IRF1: variants seen among roughly 807,000 people sequenced by gnomAD.
IRF1 encodes the protein interferon regulatory factor 1.
Under a neutral mutation model 43.7 loss-of-function variants are expected in IRF1, and 13 were observed. That is an observed-to-expected ratio of 0.30 (90% CI 0.19 to 0.47). The LOEUF (loss-of-function observed/expected upper bound fraction) is 0.47. Ranked by LOEUF, IRF1 falls within the 20% of genes least tolerant of loss-of-function variation. The probability of loss-of-function intolerance (pLI) is 0.99; values close to 1 mark genes in which losing one functional copy is unlikely to be tolerated. For synonymous variants in IRF1, 138 were observed against 146.8 expected, an observed-to-expected ratio of 0.94 and a Z score of 0.43; for missense variants, 236 against 408.9, an observed-to-expected ratio of 0.58 and a Z score of 3.65.
At chr5:132,485,392 G>C (rs1754494465) in intron 8 of IRF1, 3 of 493,108 alleles carry the variant, frequency 6.1e-6, no homozygotes, top group Admixed American at 3.2e-5. Context: ...TGCAGGCCAG[G>C]GACCCATCGC....
At chr5:132,487,237 C>T (rs1754558110) in intron 3 of IRF1, 107 bp from the exon 4 acceptor site, 1 of 1,090,184 alleles carries the variant, frequency 9.2e-7, no homozygotes, top group Non-Finnish European at 1.4e-6. Context: ...CTTATGCTAC[C>T]AGAGAGCCAC....
rs1051423057 is a variant in IRF1, at chr5:132,489,470, G to A, written c.9C>T (p.Ile3=). MP[I]TRMRMRPWLE... is the part of the protein sequence containing the mutation. ...GCCAGGGTCTCATGCGCATCCGAGT[G>A]ATGGGCATGTTGGCTGTAAAGAGAA... The change falls in exon 2 of 10, where the codon ATC becomes ATT. Residue 3 remains isoleucine, a synonymous_variant. Coordinates refer to ENST00000245414, the MANE Select transcript of IRF1 (RefSeq NM_002198.3). 3 of 1,613,702 alleles carry A rather than the reference G, an allele frequency of 1.9e-6. No homozygotes were observed. The African/African-American group carries it at 4.0e-5, about 22-fold the overall frequency.
rs749031704 is a variant in IRF1, at chr5:132,487,147, A to C, written c.188-17T>G. ...TGTATCGGCCTAGAGGGCAGGAGAA[A>C]AAAGAGGATCGTCAGGGCCATGGGT... On this transcript the variant is annotated splice_polypyrimidine_tract_variant and intron_variant, in intron 3 of 9. Transcript: ENST00000245414. 2 of 1,611,340 alleles carry C rather than the reference A, an allele frequency of 1.2e-6. No individual in the cohort carries two copies. The highest frequency in any genetic ancestry group is 2.2e-5 in the South Asian group (2 of 91,050).
intron 7 of IRF1, 95 bp downstream of exon 7, chr5:132,486,156 T>C (rs1461241515): frequency 6.6e-7 from 1 of 1,512,158 alleles, no homozygotes; most frequent in Non-Finnish European, 9.1e-7. Context: ...ATCAATTCAG[T>C]GCCAGGTGGA....
At chr5:132,485,276 T>G (rs1754490490) in intron 8 of IRF1, 1 of 177,236 alleles carries the variant, frequency 5.6e-6, no homozygotes, top group Admixed American at 5.8e-5. Flanking sequence ...ATTTGCTAAC[T>G]TTTTCTATAA....
Position 132,483,176 on chromosome 5 carries a change from C to T in IRF1, c.*775G>A, listed in dbSNP as rs1754432262. ...ATGACTTAATGGTTAGATGACATTT[C>T]CAATTTTAAGTCATACCAAGGCGCT... On this transcript the variant is annotated 3_prime_UTR_variant, in exon 10 of 10. Transcript: ENST00000245414. 6.5e-6 allele frequency: 1 copy of T among 152,756 alleles called. No individual in the cohort carries two copies. The highest frequency in any genetic ancestry group is 2.4e-5 in the African/African-American group (1 of 41,442). The allele number at this position is 152,756 out of a possible 1,614,324, so 9.5% of individuals were successfully genotyped here. A position where few individuals can be genotyped will look rare whatever the true frequency, so the allele number is the denominator to read the frequency against.
chr5:132,489,657 C>G lies in IRF1; in HGVS notation c.-5-174G>C, dbSNP rs958804809. 5.4e-6 allele frequency: 3 copies of G among 557,930 alleles called. No individual in the cohort carries two copies. The African/African-American group carries it at 5.6e-5, about 10-fold the overall frequency. 34.6% of individuals were successfully genotyped at this position (557,930 alleles called of 1,614,324 possible). On this transcript the variant is annotated intron_variant, in intron 1 of 9. Coordinates refer to ENST00000245414, the MANE Select transcript of IRF1 (RefSeq NM_002198.3). ...AATAAAACTGCTCTCCAAATTTTTT[C>G]AGCATCTTAGGCAAAAATGCTTTTG...
chr5:132,490,266 C>G lies in IRF1; in HGVS notation c.-6+279G>C, dbSNP rs1250477363. On this transcript the variant is annotated intron_variant, in intron 1 of 9. Coordinates refer to ENST00000245414, the MANE Select transcript of IRF1 (RefSeq NM_002198.3). This position sits in a 1 kb window ranked among gnomAD's most constrained non-coding sequence, Gnocchi z 5.8. ...TGCGCGGGACGAACATAGCGGGCCA[C>G]CTACAGGCCCCTGGCGGCTGCGCGC... 1 of 151,976 alleles carries G rather than the reference C, an allele frequency of 6.6e-6. No homozygotes were observed. Among genetic ancestry groups the G allele is most frequent in the African/African-American group, 2.4e-5 (1 of 41,434 alleles). The allele number at this position is 151,976 out of a possible 1,614,324, so 9.4% of individuals were successfully genotyped here. A position where few individuals can be genotyped will look rare whatever the true frequency, so the allele number is the denominator to read the frequency against.
At position 132,483,847 on chromosome 5, in the gene IRF1, C is replaced by T; in HGVS notation, c.*104G>A. The T allele has an allele frequency of 6.9e-7, 1 of 1,456,576 alleles. No individual in the cohort carries two copies. Among genetic ancestry groups the T allele is most frequent in the Non-Finnish European group, 9.4e-7 (1 of 1,063,118 alleles). 90.2% of individuals were successfully genotyped at this position (1,456,576 alleles called of 1,614,324 possible). A position where few individuals can be genotyped will look rare whatever the true frequency, so the allele number is the denominator to read the frequency against. On this transcript the variant is annotated 3_prime_UTR_variant, in exon 10 of 10. Coordinates refer to ENST00000245414, the MANE Select transcript of IRF1 (RefSeq NM_002198.3). ...ATCCCCACTTGGCAGTGGGGTCACA[C>T]TTGGCTGTTGAGGGGCCCACAGAAG...
Position 132,486,973 on chromosome 5 carries a change from G to A in IRF1, c.345C>T (p.Leu115=), listed in dbSNP as rs17622685. 5 of 1,614,182 alleles carry A rather than the reference G, an allele frequency of 3.1e-6. No homozygotes were observed. In the South Asian group the frequency reaches 5.5e-5, roughly 18 times the overall value. The change falls in exon 4 of 10, where the codon CTC becomes CTT. Residue 115 remains leucine, a synonymous_variant. Transcript: ENST00000245414. ...GGATACCTTTTCTCTGGTTCTTGGTGAGAGGTGGAAGCATCCGGTACACTC... is the reference window on the plus strand; with the variant it reads ...GGATACCTTTTCTCTGGTTCTTGGTAAGAGGTGGAAGCATCCGGTACACTC... ...AVRVYRMLPP[L]TKNQRKERKS... is the part of the protein sequence containing the mutation.
intron 3 of IRF1, 168 bp from the exon 4 acceptor site, chr5:132,487,298 C>G (rs1754560589): frequency 2.9e-6 from 2 of 682,506 alleles, no homozygotes; most frequent in Non-Finnish European, 2.5e-6. Context: ...GTCCTAGGCC[C>G]TGGGCCTTCT....
intron 3 of IRF1, chr5:132,487,470 G>A (rs867279742): frequency 8.2e-5 from 31 of 377,432 alleles, no homozygotes; most frequent in African/African-American, 4.9e-4. Flanking sequence ...AGTGGGCACA[G>A]ACTGGGCAGC....
chr5:132,487,009 G>A lies in IRF1; in HGVS notation c.309C>T (p.Ser103=). 6.2e-7 allele frequency: 1 copy of A among 1,614,168 alleles called. No individual in the cohort carries two copies. The highest frequency in any genetic ancestry group is 8.5e-7 in the Non-Finnish European group (1 of 1,180,018). Residue 103 remains serine, a synonymous_variant, in exon 4 of 10, where the codon AGC becomes AGT. Transcript: ENST00000245414. ...EVKDQSRNKG[S]SAVRVYRMLP... is the part of the protein sequence containing the mutation. ...GCATCCGGTACACTCGCACAGCTGA[G>A]CTGCCCTTGTTCCTGCTCTGGTCTT...
chr5:132,487,873 G>T (rs1257395122), intron 3 of IRF1, 53 bp downstream of exon 3: 3 of 1,230,404 alleles, frequency 2.4e-6, no homozygotes, highest in African/African-American at 3.0e-5. Flanking sequence ...TAACGTGAGT[G>T]CCTCCTCTTG....
chr5:132,489,349 TG>T, intron 2 of IRF1, 42 bp downstream of exon 2: 1 of 1,430,542 alleles, frequency 7.0e-7, no homozygotes. Flanking sequence ...CAGAAGTACA[TG>T]GGTTAAAACA....
intron 3 of IRF1, 129 bp downstream of exon 3, chr5:132,487,797 C>T (rs919219895): frequency 3.1e-6 from 2 of 635,374 alleles, no homozygotes; most frequent in South Asian, 3.6e-5. Flanking sequence ...GCCACCAGCC[C>T]CTCTTCCCAG....
At chr5:132,485,591 T>C (rs759283313) in intron 8 of IRF1, 76 bp downstream of exon 8, 10 of 1,148,928 alleles carry the variant, frequency 8.7e-6, no homozygotes, top group East Asian at 4.7e-5. Context: ...ATCCTCTGAT[T>C]TGGAAGCTTC....
At position 132,490,609 on chromosome 5, in the gene IRF1, G is replaced by A. The variant is rs1355850263; in HGVS notation, c.-70C>T. The A allele has an allele frequency of 6.6e-6, 1 of 152,354 alleles. No individual in the cohort carries two copies. The highest frequency in any genetic ancestry group is 2.4e-5 in the African/African-American group (1 of 41,460). The allele number at this position is 152,354 out of a possible 1,614,324, so 9.4% of individuals were successfully genotyped here. A position where few individuals can be genotyped will look rare whatever the true frequency, so the allele number is the denominator to read the frequency against. ...CCCGGCGACGCAGGGGCTGCAGTGA[G>A]GGCGCGCGGAGCGCGACTCCGAGTG... is the stretch of plus-strand genomic sequence containing the variant. On this transcript the variant is annotated 5_prime_UTR_variant, in exon 1 of 10. Coordinates refer to ENST00000245414, the MANE Select transcript of IRF1 (RefSeq NM_002198.3). The surrounding 1 kb of genome is among the most constrained non-coding windows in gnomAD (Gnocchi z 5.8).
chr5:132,487,353 A>T (rs1445841919), intron 3 of IRF1: 2 of 565,368 alleles, frequency 3.5e-6, no homozygotes, highest in African/African-American at 3.8e-5. Context: ...GGCCTCAGTG[A>T]AGGGCCCAGC....
Sources: allele counts gnomAD v4.1 joint callset, GRCh38; gene constraint gnomAD v4.1.1; non-coding constraint Gnocchi (gnomAD v3.1); transcripts MANE v1.5; gene names NCBI Gene and HGNC (gene_info 2026-07-23, HGNC 2026-07-21).